SGCZ: variants seen among roughly 807,000 people sequenced by gnomAD.
SGCZ encodes sarcoglycan zeta.
SGCZ carries 40 observed loss-of-function variants against 41.3 expected under a neutral mutation model. The ratio of observed to expected loss-of-function variants is 0.97; its 90% confidence interval spans 0.75 to 1.26. The LOEUF (loss-of-function observed/expected upper bound fraction) is 1.26, where lower values mean the gene tolerates loss of function less well. Among genes scored for constraint, SGCZ ranks in the 50% most tolerant of loss-of-function variants. The pLI is 0.00. For synonymous variants in SGCZ, 206 were observed against 137.5 expected (o/e 1.50, Z -3.49); for missense variants, 552 against 369.8 (o/e 1.49, Z -4.04).
intron 1 of SGCZ, among the ~76,000 whole-genome samples, chr8:14,722,071 C>G (rs752868621): frequency 3.3e-5 from 5 of 152,176 alleles, no homozygotes; most frequent in Non-Finnish European, 7.4e-5. Context: ...CAAACTATCT[C>G]AAAATCTCAA....
chr8:14,533,513 T>C (rs1205878039), intron 2 of SGCZ, among the ~76,000 whole-genome samples: 3 of 151,976 alleles, frequency 2.0e-5, no homozygotes, highest in Non-Finnish European at 4.4e-5. Context: ...TATCCTATGA[T>C]AGCAAATAGA....
chr8:14,885,931 A>G (rs1804772486), intron 1 of SGCZ, among the ~76,000 whole-genome samples: 1 of 146,284 alleles, frequency 6.8e-6, no homozygotes, highest in African/African-American at 2.5e-5. Context: ...GATCTGTTAG[A>G]AATTTAGCAT....
At chr8:15,037,306 T>C (rs1436616534) in intron 1 of SGCZ, among the ~76,000 whole-genome samples, 1 of 152,192 alleles carries the variant, frequency 6.6e-6, no homozygotes, top group Non-Finnish European at 1.5e-5. Flanking sequence ...TTTCCCCACC[T>C]TGTTTGGCAT....
chr8:15,109,847 A>C (rs2131097207), intron 1 of SGCZ, among the ~76,000 whole-genome samples: 1 of 152,330 alleles, frequency 6.6e-6, no homozygotes, highest in Non-Finnish European at 1.5e-5. Context: ...TAACAGCATT[A>C]TCATTTATAT....
At chr8:14,222,617 AT>A (rs558893921) in intron 4 of SGCZ, among the ~76,000 whole-genome samples, 180 of 151,840 alleles carry the variant, frequency 1.2e-3, no homozygotes, top group Middle Eastern at 6.8e-3. Context: ...CTTCTAACAG[AT>A]TTTTTTTCCC....
intron 2 of SGCZ, among the ~76,000 whole-genome samples, chr8:14,537,037 GGCAAT>G (rs1405855030): frequency 9.2e-5 from 14 of 151,992 alleles, no homozygotes; most frequent in African/African-American, 3.4e-4. Flanking sequence ...ACACAAGCCA[GGCAAT>G]GCAATTGTTC....
At chr8:15,159,619 T>C (rs969678996) in intron 1 of SGCZ, among the ~76,000 whole-genome samples, 1 of 152,142 alleles carries the variant, frequency 6.6e-6, no homozygotes, top group Non-Finnish European at 1.5e-5. Context: ...CTCTCCCATA[T>C]ATTTCATCAT....
chr8:14,497,088 A>G (rs1316168667), intron 2 of SGCZ, among the ~76,000 whole-genome samples: 2 of 152,188 alleles, frequency 1.3e-5, no homozygotes, highest in Non-Finnish European at 2.9e-5. Flanking sequence ...CCTCCTTATG[A>G]AGACATCTTT....
chr8:14,799,241 A>ATAT (rs1801236064), intron 1 of SGCZ, among the ~76,000 whole-genome samples: 1 of 152,160 alleles, frequency 6.6e-6, no homozygotes, highest in Non-Finnish European at 1.5e-5. Flanking sequence ...ATATTTGAGG[A>ATAT]CTTAACGAGA....
intron 7 of SGCZ, among the ~76,000 whole-genome samples, chr8:14,097,518 G>A (rs1409329869): frequency 6.6e-6 from 1 of 152,160 alleles, no homozygotes; most frequent in Admixed American, 6.6e-5. Flanking sequence ...CAATTATGTG[G>A]TCATTGTTAG....
chr8:15,163,691 T>C (rs2117046276), intron 1 of SGCZ, among the ~76,000 whole-genome samples: 1 of 152,342 alleles, frequency 6.6e-6, no homozygotes. Flanking sequence ...CTGCATACTT[T>C]TGTACTATTG....
chr8:14,705,525 A>G (rs1045684865), intron 1 of SGCZ, among the ~76,000 whole-genome samples: 2 of 152,014 alleles, frequency 1.3e-5, no homozygotes, highest in Admixed American at 1.3e-4. Context: ...CTTGTCTCCG[A>G]TGACTCTCAA....
chr8:14,420,399 A>T lies in SGCZ; in HGVS notation c.235-96195T>A, dbSNP rs536218001. Among the ~76,000 whole-genome samples the T allele has an allele frequency of 5.3e-5, 8 of 151,878 alleles. No individual in the cohort carries two copies. In the South Asian group the frequency reaches 1.7e-3, roughly 32 times the overall value. On this transcript the variant is annotated intron_variant, in intron 2 of 7. Coordinates refer to ENST00000382080, the MANE Select transcript of SGCZ (RefSeq NM_139167.4). ...CAACAAAGTCTGTGCTGACGTCTCA[A>T]CTCTTATAATCTTAGCTTTTGTTGT...
At chr8:15,187,793 G>C (rs1800394093) in intron 1 of SGCZ, among the ~76,000 whole-genome samples, 1 of 151,816 alleles carries the variant, frequency 6.6e-6, no homozygotes, top group Non-Finnish European at 1.5e-5. Flanking sequence ...TATTATAAAG[G>C]ATTTTTTTTC....
chr8:14,854,172 T>C (rs1803460499), intron 1 of SGCZ, among the ~76,000 whole-genome samples: 1 of 151,222 alleles, frequency 6.6e-6, no homozygotes, highest in Admixed American at 6.6e-5. Flanking sequence ...GATTTTTGTG[T>C]TACCTCATCT....
At chr8:14,134,957 C>T (rs750555618) in intron 5 of SGCZ, among the ~76,000 whole-genome samples, 2 of 152,078 alleles carry the variant, frequency 1.3e-5, no homozygotes, top group Non-Finnish European at 2.9e-5. Context: ...TATTGAAACA[C>T]ACAGTAGCGT....
chr8:15,057,713 G>C (rs1381148617), intron 1 of SGCZ, among the ~76,000 whole-genome samples: 2 of 152,168 alleles, frequency 1.3e-5, no homozygotes, highest in Non-Finnish European at 2.9e-5. Flanking sequence ...TAAATAATTA[G>C]TCCCAATTCT....
intron 1 of SGCZ, among the ~76,000 whole-genome samples, chr8:14,747,453 C>T (rs1193325777): frequency 6.6e-6 from 1 of 152,126 alleles, no homozygotes; most frequent in Non-Finnish European, 1.5e-5. Flanking sequence ...TTAAACCATA[C>T]ACAGAATTCT....
chr8:15,108,038 T>C (rs893973472), intron 1 of SGCZ, among the ~76,000 whole-genome samples: 1 of 152,188 alleles, frequency 6.6e-6, no homozygotes, highest in African/African-American at 2.4e-5. Flanking sequence ...TTACTAATAG[T>C]TTTTGTTTTC....
Sources: allele counts gnomAD v4.1 joint callset (sites outside exome capture counted in the v4.1 genomes callset), GRCh38; gene constraint gnomAD v4.1.1; transcripts MANE v1.5; gene names NCBI Gene and HGNC (gene_info 2026-07-23, HGNC 2026-07-21).